UNC45B: variants seen among roughly 807,000 people sequenced by gnomAD.
UNC45B encodes unc-45 myosin chaperone B.
Under a neutral mutation model 98.7 loss-of-function variants are expected in UNC45B, and 78 were observed. The ratio of observed to expected loss-of-function variants is 0.79; its 90% CI spans 0.66 to 0.95. UNC45B has a LOEUF of 0.95. UNC45B is among the 40% of genes least tolerant of loss of function. The pLI, the probability that UNC45B is intolerant of heterozygous loss-of-function variation, is 0.00. For synonymous variants in UNC45B, 462 were observed against 480.4 expected (o/e 0.96, Z 0.50); for missense variants, 1,225 against 1,184.9 (o/e 1.03, Z -0.50).
chr17:35,153,649 A>G (rs187383523), intron 5 of UNC45B, among the ~76,000 whole-genome samples: 1 of 152,242 alleles, frequency 6.6e-6, no homozygotes, highest in East Asian at 1.9e-4. Context: ...AACTCTTGTG[A>G]GAACATAATA....
chr17:35,173,696 C>T (rs2092205648), intron 13 of UNC45B, among the ~76,000 whole-genome samples: 1 of 152,042 alleles, frequency 6.6e-6, no homozygotes. Flanking sequence ...TTATATTGGG[C>T]CCACACAGAA....
rs758464840 is a variant in UNC45B at position 35,170,143 on chromosome 17, G to C, written c.1577G>C (p.Arg526Pro). 5 of 1,613,248 alleles carry C rather than the reference G, an allele frequency of 3.1e-6. No homozygotes were observed. The South Asian group carries it at 5.5e-5, about 18-fold the overall frequency. Residue 526 changes from arginine (R) to proline (P), a missense_variant, in exon 12 of 20, where the codon CGG becomes CCG. Transcript: ENST00000394570. ...CTGTGCAATATGTCCATAGACACTC[G>C]GACCCGACGCTGGGCAGTGGAGGGC... ...KWLCNMSIDTRTRRWAVEGLA... is the reference protein window; with the variant it reads ...KWLCNMSIDTPTRRWAVEGLA...
chr17:35,178,057 A>C (rs1057299795), intron 17 of UNC45B, among the ~76,000 whole-genome samples: 1 of 151,812 alleles, frequency 6.6e-6, no homozygotes, highest in Non-Finnish European at 1.5e-5. Flanking sequence ...ACGCCACCAT[A>C]CCCAGCTAAT....
intron 7 of UNC45B, among the ~76,000 whole-genome samples, chr17:35,156,774 A>G (rs2092065386): frequency 6.6e-6 from 1 of 152,220 alleles, no homozygotes; most frequent in South Asian, 2.1e-4. Flanking sequence ...GGTAATCACT[A>G]TTACCATTAC....
At chr17:35,158,720 A>G (rs887629780) in intron 7 of UNC45B, among the ~76,000 whole-genome samples, 1 of 152,232 alleles carries the variant, frequency 6.6e-6, no homozygotes. Flanking sequence ...ACGAACTGTC[A>G]CATCTGCTTA....
At chr17:35,186,071 C>T (rs1567772280) in intron 19 of UNC45B, among the ~76,000 whole-genome samples, 1 of 152,074 alleles carries the variant, frequency 6.6e-6, no homozygotes, top group Non-Finnish European at 1.5e-5. Context: ...CAATTGGGGC[C>T]GTGAGTGGCT....
intron 15 of UNC45B, 80 bp downstream of exon 15, chr17:35,176,114 C>A: frequency 7.1e-7 from 1 of 1,406,288 alleles, no homozygotes; most frequent in Non-Finnish European, 1.0e-6. Flanking sequence ...CCCTCTGCCC[C>A]AACTCGACCT....
In UNC45B at chr17:35,164,099, C is replaced by T. The variant is rs1223107201; in HGVS notation, c.1084C>T (p.Leu362Phe). 6.2e-7 allele frequency: 1 copy of T among 1,614,092 alleles called. No homozygotes were observed. The highest frequency in any genetic ancestry group is 1.6e-4 in the Middle Eastern group (1 of 6,062). The stretch of plus-strand genomic sequence containing the variant: ...GCTGGCCTCTATCCTCATCAACAAG[C>T]TCTATGATGACCTGCGCTGTGACCC... The part of the protein sequence containing the change: ...RMLASILINK[L>F]YDDLRCDPER... The change falls in exon 9 of 20, where the codon CTC (leucine) becomes TTC (phenylalanine). Residue 362 changes from leucine (L) to phenylalanine (F), a missense_variant. Coordinates refer to ENST00000394570, the MANE Select transcript of UNC45B (RefSeq NM_001267052.2).
rs199583516 is a variant in UNC45B at position 35,180,629 on chromosome 17, C to T, written c.2326C>T (p.Arg776Trp). Residue 776 changes from arginine (R) to tryptophan (W), a missense_variant, in exon 18 of 20, where the codon CGG becomes TGG. Physicochemically the swap from Arg to Trp is moderately radical, Grantham distance 101. Transcript: ENST00000394570. Reference protein sequence around the residue: ...NYMFENHDQLRQAATECMCNM... With the variant: ...NYMFENHDQLWQAATECMCNM... ...CATGTTTGAGAATCATGATCAGCTG[C>T]GGCAGGCGGCCACCGAGTGCATGTG... 1.1e-4 allele frequency: 172 copies of T among 1,613,546 alleles called. No individual in the cohort carries two copies. Among genetic ancestry groups the T allele is most frequent in the Admixed American group, 4.0e-4 (24 of 59,950 alleles).
chr17:35,180,279 A>AGAGC (rs2092264559), intron 17 of UNC45B, among the ~76,000 whole-genome samples: 1 of 151,916 alleles, frequency 6.6e-6, no homozygotes. Flanking sequence ...AGAGAGAGAG[A>AGAGC]GAGAGAGAGA....
chr17:35,164,026 G>T lies in UNC45B; in HGVS notation c.1011G>T (p.Gln337His), dbSNP rs749115934. ...GGAAGATCCTGAAGGTTGTGGGGCA[G>T]GTTCCAGATCTGCCATCCTGCCTGC... Reference protein sequence around the residue: ...GLRKILKVVGQVPDLPSCLPL... With the variant: ...GLRKILKVVGHVPDLPSCLPL... The change falls in exon 9 of 20, where the codon CAG (glutamine) becomes CAT (histidine). Residue 337 changes from glutamine to histidine, a missense_variant. Transcript: ENST00000394570. The T allele has an allele frequency of 3.1e-6, 5 of 1,613,886 alleles. No individual in the cohort carries two copies. Among genetic ancestry groups the T allele is most frequent in the Non-Finnish European group, 4.2e-6 (5 of 1,179,892 alleles).
At chr17:35,153,311 C>A (rs935175179) in intron 5 of UNC45B, among the ~76,000 whole-genome samples, 4 of 152,100 alleles carry the variant, frequency 2.6e-5, no homozygotes, top group African/African-American at 9.7e-5. Flanking sequence ...TTTGGTGCCC[C>A]TTTAAATTTT....
chr17:35,150,131 T>G lies in UNC45B; in HGVS notation c.289T>G (p.Phe97Val), dbSNP rs746255104. 1 of 1,613,764 alleles carries G rather than the reference T, an allele frequency of 6.2e-7. No homozygotes were observed. Among genetic ancestry groups the G allele is most frequent in the Non-Finnish European group, 8.5e-7 (1 of 1,179,844 alleles). The stretch of plus-strand genomic sequence containing the variant: ...GCACCTGGGGAAGCTGGACCAGGCC[T>G]TCAAAGACGTGCAGCGTTGTGCCAC... ...LEHLGKLDQA[F>V]KDVQRCATLE... Residue 97 changes from phenylalanine (F) to valine (V), a missense_variant, in exon 4 of 20, where the codon TTC (phenylalanine) becomes GTC (valine). Phe to Val is a conservative substitution (Grantham distance 50, BLOSUM62 -1). Coordinates refer to ENST00000394570, the MANE Select transcript of UNC45B (RefSeq NM_001267052.2).
chr17:35,170,279 G>A (rs763557628), intron 12 of UNC45B, 24 bp downstream of exon 12: 9 of 1,582,216 alleles, frequency 5.7e-6, no homozygotes, highest in South Asian at 1.1e-5. Flanking sequence ...AGTCTGGCCC[G>A]ACCACAAACC....
At position 35,186,327 on chromosome 17, in the gene UNC45B, G is replaced by A. The variant is rs192759020; in HGVS notation, c.2558G>A (p.Arg853Gln). The A allele has an allele frequency of 2.4e-5, 38 of 1,614,018 alleles. No individual in the cohort carries two copies. Among genetic ancestry groups the A allele is most frequent in the East Asian group, 6.7e-5 (3 of 44,874 alleles). ...VTTQWLEILQRLCLHDQLSVQ... is the reference protein window; with the variant it reads ...VTTQWLEILQQLCLHDQLSVQ... ...ACCCAGTGGTTGGAGATCCTCCAGC[G>A]GCTTTGCCTGCACGACCAGCTGTCT... Residue 853 changes from arginine (R) to glutamine (Q), a missense_variant, in exon 20 of 20, where the codon CGG (arginine) becomes CAG (glutamine). Physicochemically the swap from Arg to Gln is conservative, Grantham distance 43. Transcript: ENST00000394570.
chr17:35,175,969 G>A lies in UNC45B; in HGVS notation c.1960G>A (p.Val654Ile), dbSNP rs200111444. 9 of 1,614,020 alleles carry A rather than the reference G, an allele frequency of 5.6e-6. No individual in the cohort carries two copies. In the Admixed American group the frequency reaches 1.2e-4, roughly 21 times the overall value. Residue 654 changes from valine to isoleucine, a missense_variant and splice_region_variant, in exon 15 of 20, where the codon GTA (valine) becomes ATA (isoleucine). By Grantham distance (29) the Val-to-Ile change is conservative (BLOSUM62 3). Coordinates refer to ENST00000394570, the MANE Select transcript of UNC45B (RefSeq NM_001267052.2). ...TCTCCTTTCTTCTCGGTCCCACAGG[G>A]TATTCCTGGCACTGTGTGACAACCC... is the stretch of plus-strand genomic sequence containing the variant. Reference protein sequence around the residue: ...TDQTKELLARVFLALCDNPKD... With the variant: ...TDQTKELLARIFLALCDNPKD...
rs201737943 is a variant in UNC45B, at chr17:35,169,662, GTA to G, written c.1453-173_1453-172del. 0.01 allele frequency among the ~76,000 whole-genome samples: 1,555 copies of G among 152,248 alleles called. 25 individuals carry two copies. The highest frequency in any genetic ancestry group is 0.035 in the African/African-American group (1,453 of 41,538). ...ACCCTAACCCAGAGCATCAGGGAAA[GTA>G]TCTCAGCAGAGGTGACACCTGAGCT... On this transcript the variant is annotated intron_variant, in intron 10 of 19. Coordinates refer to ENST00000394570, the MANE Select transcript of UNC45B (RefSeq NM_001267052.2).
chr17:35,151,805 A>G (rs2092021511), intron 4 of UNC45B, among the ~76,000 whole-genome samples: 1 of 152,218 alleles, frequency 6.6e-6, no homozygotes, highest in Non-Finnish European at 1.5e-5. Context: ...CCCCCAAAGG[A>G]AATGAGCACA....
At chr17:35,159,588 G>C (rs866536651) in intron 8 of UNC45B, 43 bp downstream of exon 8, 1 of 1,594,526 alleles carries the variant, frequency 6.3e-7, no homozygotes, top group Non-Finnish European at 8.6e-7. Context: ...AGCCTTTTAA[G>C]TGGGCACCAG....
Sources: gnomAD v4.1 joint callset for allele counts (sites outside exome capture counted in the v4.1 genomes callset) on GRCh38, gnomAD v4.1.1 for gene constraint, MANE v1.5 for transcripts, NCBI Gene and HGNC (gene_info 2026-07-23, HGNC 2026-07-21) for gene names.